Variants in CEMIP2 observed in about 807,000 individuals in gnomAD.
CEMIP2 encodes cell surface hyaluronidase CEMIP2.
CEMIP2 carries 79 observed loss-of-function variants against 146.9 expected under a neutral mutation model. That is an observed-to-expected ratio of 0.54 (90% CI 0.45 to 0.65). CEMIP2 has a LOEUF of 0.65. CEMIP2 is among the 30% of genes least tolerant of loss of function. The pLI is 0.00. For synonymous variants in CEMIP2, 601 were observed against 606.3 expected (o/e 0.99, Z 0.13); for missense variants, 1,596 against 1,696.2 (o/e 0.94, Z 1.04).
chr9:71,755,954 T>C (rs1824423048), intron 1 of CEMIP2, among the ~76,000 whole-genome samples: 2 of 109,642 alleles, frequency 1.8e-5, no homozygotes, highest in African/African-American at 3.9e-5. Flanking sequence ...AGCATGACTC[T>C]GTCTCACAAA....
At chr9:71,711,415 T>C (rs1487563898) in intron 16 of CEMIP2, among the ~76,000 whole-genome samples, 1 of 151,698 alleles carries the variant, frequency 6.6e-6, no homozygotes, top group Non-Finnish European at 1.5e-5. Context: ...AAAAAATTTT[T>C]TTTAAGTAGC....
In CEMIP2 at chr9:71,722,537, C is replaced by T. The variant is rs1823263387; in HGVS notation, c.2179-22G>A. On this transcript the variant is annotated intron_variant, in intron 11 of 23. Coordinates refer to ENST00000377044, the MANE Select transcript of CEMIP2 (RefSeq NM_013390.3). ...CAGCCTGAAAAATATAAATAATGGACTGGAATGAATATGAATCCCAACTTA... is the reference window on the plus strand; with the variant it reads ...CAGCCTGAAAAATATAAATAATGGATTGGAATGAATATGAATCCCAACTTA... 14 of 1,561,300 alleles carry T rather than the reference C, an allele frequency of 9.0e-6. No individual in the cohort carries two copies. In the East Asian group the frequency reaches 3.1e-4, roughly 35 times the overall value.
intron 17 of CEMIP2, among the ~76,000 whole-genome samples, chr9:71,706,740 G>A (rs35474874): frequency 2.0e-3 from 307 of 152,158 alleles, no homozygotes; most frequent in Non-Finnish European, 3.4e-3. Context: ...ATAGATATAC[G>A]CACACATGCA....
chr9:71,729,326 C>CTAA lies in CEMIP2; in HGVS notation c.2049+516_2049+518dup, dbSNP rs1823543478. ...ATCTCTCTTATTAAACTCATAAATA[C>CTAA]TAATGGGCACAGGCCGGGCGTGGTG... On this transcript the variant is annotated intron_variant, in intron 10 of 23. Coordinates refer to ENST00000377044, the MANE Select transcript of CEMIP2 (RefSeq NM_013390.3). 2.6e-5 allele frequency among the ~76,000 whole-genome samples: 4 copies of CTAA among 151,898 alleles called. No homozygotes were observed. In the South Asian group the frequency reaches 8.3e-4, roughly 32 times the overall value.
rs190959612 is a variant in CEMIP2, at chr9:71,708,608, G to A, written c.2985+651C>T. Among the ~76,000 whole-genome samples the A allele has an allele frequency of 4.6e-5, 7 of 152,196 alleles. No individual in the cohort carries two copies. The East Asian group carries it at 7.7e-4, about 17-fold the overall frequency. ...CTGTGCTCTTAACCATATATACTAC[G>A]TTGCAAATTAGTTCATCCTCTTATA... On this transcript the variant is annotated intron_variant, in intron 17 of 23. Transcript: ENST00000377044.
At chr9:71,739,999 G>GA (rs200855186) in intron 5 of CEMIP2, 64 bp downstream of exon 5, 6,796 of 1,346,458 alleles carry the variant, frequency 5.0e-3, no homozygotes, top group South Asian at 7.3e-3. Flanking sequence ...ACTATTCTTA[G>GA]AAAAAAAAAA....
At chr9:71,687,462 CTGTGTGTGTGTG>C (rs71353506) in intron 22 of CEMIP2, 2 of 141,434 alleles carry the variant, frequency 1.4e-5, no homozygotes, top group East Asian at 4.2e-4. Context: ...TATTTATTTT[CTGTGTGTGTGTG>C]TGTGTGTGTG....
At position 71,745,365 on chromosome 9, in the gene CEMIP2, T is replaced by C. The variant is rs921286714; in HGVS notation, c.687A>G (p.Thr229=). 8 of 1,613,920 alleles carry C rather than the reference T, an allele frequency of 5.0e-6. No individual in the cohort carries two copies. The highest frequency in any genetic ancestry group is 5.1e-6 in the Non-Finnish European group (6 of 1,179,904). The stretch of plus-strand genomic sequence containing the variant: ...CCTTCCGTGCCCCATGTAACTCCAG[T>C]GTCCCGCCAGCTTCCACACCAATAA... ...KKFIGVEAGG[T]LELHGARKAS... is the part of the protein sequence containing the mutation. The change falls in exon 4 of 24, where the codon ACA becomes ACG. Residue 229 remains threonine, a synonymous_variant. Coordinates refer to ENST00000377044, the MANE Select transcript of CEMIP2 (RefSeq NM_013390.3).
At chr9:71,697,018 A>G (rs1212480387) in intron 20 of CEMIP2, among the ~76,000 whole-genome samples, 1 of 152,202 alleles carries the variant, frequency 6.6e-6, no homozygotes, top group Non-Finnish European at 1.5e-5. Flanking sequence ...TATTTGTGGT[A>G]ATTATTGCTT....
At chr9:71,695,788 C>T (rs1822381809) in intron 20 of CEMIP2, among the ~76,000 whole-genome samples, 1 of 152,052 alleles carries the variant, frequency 6.6e-6, no homozygotes, top group South Asian at 2.1e-4. Flanking sequence ...TTCCTATTTA[C>T]TCCTAATATA....
rs1156466709 is a variant in CEMIP2, at chr9:71,732,514, G to A, written c.1400C>T (p.Pro467Leu). Residue 467 changes from proline (P) to leucine (L), a missense_variant, in exon 7 of 24, where the codon CCT (proline) becomes CTT (leucine). Coordinates refer to ENST00000377044, the MANE Select transcript of CEMIP2 (RefSeq NM_013390.3). ...SHFQVKVKET[P>L]QFLHMGEIID... is the part of the protein sequence containing the mutation. ...GATCTCACCCATGTGCAGGAACTGA[G>A]GGGTTTCTGGTTGATATGAGCAAGG... 1.9e-6 allele frequency: 3 copies of A among 1,593,408 alleles called. No individual in the cohort carries two copies. In the East Asian group the frequency reaches 6.8e-5, roughly 36 times the overall value.
chr9:71,693,719 G>A (rs1822302033), intron 21 of CEMIP2, among the ~76,000 whole-genome samples: 1 of 152,234 alleles, frequency 6.6e-6, no homozygotes, highest in Non-Finnish European at 1.5e-5. Flanking sequence ...TGACAAACCA[G>A]TGACTATAGC....
intron 20 of CEMIP2, among the ~76,000 whole-genome samples, chr9:71,696,427 G>A (rs192395987): frequency 0.012 from 1,813 of 149,316 alleles, 18 homozygotes; most frequent in Middle Eastern, 0.028. Context: ...GAGAGTAGAG[G>A]TGGCTCAGAA....
At chr9:71,741,187 T>G (rs1352349787) in intron 4 of CEMIP2, among the ~76,000 whole-genome samples, 20 of 17,322 alleles carry the variant, frequency 1.2e-3, no homozygotes, top group Non-Finnish European at 3.0e-3. Flanking sequence ...TGAGTTAGAT[T>G]TTTTTTTTTT....
rs538819403 is a variant in CEMIP2, at chr9:71,740,926, A to G, written c.1035-694T>C. Reference sequence around the variant, plus strand: ...ATTAGATTGCTGGCCCCACTCTCTCAGTTTCTGAGATGGGACCAGAGAATT... The same window carrying G: ...ATTAGATTGCTGGCCCCACTCTCTCGGTTTCTGAGATGGGACCAGAGAATT... On this transcript the variant is annotated intron_variant, in intron 4 of 23. Transcript: ENST00000377044. Among the ~76,000 whole-genome samples, 3 of 152,144 alleles carry G rather than the reference A, an allele frequency of 2.0e-5. No homozygotes were observed. In the East Asian group the frequency reaches 5.8e-4, roughly 29 times the overall value.
chr9:71,753,693 A>AT (rs1262656478), intron 1 of CEMIP2, among the ~76,000 whole-genome samples: 2 of 151,766 alleles, frequency 1.3e-5, no homozygotes, highest in East Asian at 3.9e-4. Flanking sequence ...AATTTATTCA[A>AT]TTTTTTAAAA....
chr9:71,709,615 A>G, intron 16 of CEMIP2, 141 bp from the exon 17 acceptor site: 1 of 646,330 alleles, frequency 1.5e-6, no homozygotes, highest in Non-Finnish European at 2.6e-6. Flanking sequence ...GTTGTCAGCT[A>G]TGGCACTCAA....
At chr9:71,750,409 G>A in intron 1 of CEMIP2, 24 bp from the exon 2 acceptor site, 1 of 1,464,590 alleles carries the variant, frequency 6.8e-7, no homozygotes, top group Non-Finnish European at 9.2e-7. Flanking sequence ...AAAAAATTAA[G>A]CTTCAGTATG....
chr9:71,767,060 T>C (rs919178359), intron 1 of CEMIP2, among the ~76,000 whole-genome samples: 1 of 152,326 alleles, frequency 6.6e-6, no homozygotes, highest in African/African-American at 2.4e-5. Context: ...ACCCTTTGTA[T>C]AGGTAATCAG....
Sources: allele counts gnomAD v4.1 joint callset (sites outside exome capture counted in the v4.1 genomes callset), GRCh38; gene constraint gnomAD v4.1.1; transcripts MANE v1.5; gene names NCBI Gene and HGNC (gene_info 2026-07-23, HGNC 2026-07-21).